ADGRV1: variants seen among roughly 807,000 people sequenced by gnomAD.
The protein encoded by ADGRV1 is G-protein coupled receptor 98.
Under a neutral mutation model 596.2 loss-of-function variants are expected in ADGRV1, and 359 were observed. The ratio of observed to expected loss-of-function variants is 0.60; its 90% CI spans 0.55 to 0.66. The LOEUF is 0.66. Among genes scored for constraint, ADGRV1 ranks in the 30% least tolerant of loss-of-function variants. ADGRV1 has a pLI of 0.00. For missense variants in ADGRV1, 7,274 were observed against 7,575.6 expected (o/e 0.96, Z 1.48); for synonymous variants, 2,681 against 2,679.2 (o/e 1.00, Z -0.02).
intron 23 of ADGRV1, 28 bp downstream of exon 23, chr5:90,674,262 CCT>C (rs1772916717): frequency 6.6e-7 from 1 of 1,523,052 alleles, no homozygotes; most frequent in South Asian, 1.4e-5. Context: ...CAAGAAAAAT[CCT>C]CTCTTCTCTG....
intron 1 of ADGRV1, among the ~76,000 whole-genome samples, chr5:90,562,302 C>T (rs934313692): frequency 2.0e-5 from 3 of 152,156 alleles, no homozygotes; most frequent in African/African-American, 7.2e-5. Flanking sequence ...CATCGTATGC[C>T]TAATTTTTTC....
chr5:90,897,010 C>T (rs534141334), intron 83 of ADGRV1, among the ~76,000 whole-genome samples: 1 of 152,308 alleles, frequency 6.6e-6, no homozygotes, highest in Non-Finnish European at 1.5e-5. Context: ...AAATTTGAAT[C>T]CTTGCTTTAG....
At position 90,829,063 on chromosome 5, in the gene ADGRV1, C is replaced by G. The variant is rs768064454; in HGVS notation, c.16488C>G (p.Ser5496Arg). The change falls in exon 77 of 90, where the codon AGC (serine) becomes AGG (arginine). Residue 5496 changes from serine to arginine, a missense_variant. This residue lies in a region of ADGRV1 where 1,874 missense variants were observed against 1,970.2 expected (regional missense o/e 0.95). Coordinates refer to ENST00000405460, the MANE Select transcript of ADGRV1 (RefSeq NM_032119.4). ...IKILESDESQ[S>R]LVYFSVGSRL... The stretch of plus-strand genomic sequence containing the variant: ...TCTTAGAAAGTGATGAATCTCAAAG[C>G]CTTGTGTATTTTTCTGTGGGTTCTC... 5.6e-6 allele frequency: 9 copies of G among 1,612,038 alleles called. No individual in the cohort carries two copies. The East Asian group carries it at 1.1e-4, about 20-fold the overall frequency.
At chr5:90,927,648 G>A (rs1774651474) in intron 83 of ADGRV1, among the ~76,000 whole-genome samples, 1 of 151,918 alleles carries the variant, frequency 6.6e-6, no homozygotes, top group South Asian at 2.1e-4. Context: ...AGTTAATGTT[G>A]TTATGTGTGA....
intron 83 of ADGRV1, among the ~76,000 whole-genome samples, chr5:90,953,466 T>TTA (rs1230256736): frequency 6.6e-6 from 1 of 152,154 alleles, no homozygotes; most frequent in Non-Finnish European, 1.5e-5. Flanking sequence ...GTTCTGGAAT[T>TTA]TATATGCTTC....
At chr5:91,070,959 A>G (rs1259051137) in intron 85 of ADGRV1, among the ~76,000 whole-genome samples, 1 of 152,176 alleles carries the variant, frequency 6.6e-6, no homozygotes, top group Non-Finnish European at 1.5e-5. Context: ...CCTTTAAACA[A>G]TACCATCTCT....
chr5:90,771,688 C>T (rs546713848), intron 59 of ADGRV1, among the ~76,000 whole-genome samples: 1 of 151,980 alleles, frequency 6.6e-6, no homozygotes, highest in East Asian at 1.9e-4. Context: ...TTTCTATTTT[C>T]CTGAGATAGC....
At chr5:90,583,627 C>G (rs141075704) in intron 1 of ADGRV1, among the ~76,000 whole-genome samples, 3 of 152,166 alleles carry the variant, frequency 2.0e-5, no homozygotes, top group African/African-American at 4.8e-5. Context: ...TACTTTTGTT[C>G]TGTTGAGGTA....
chr5:90,955,933 C>G (rs1177405019), intron 83 of ADGRV1, among the ~76,000 whole-genome samples: 2 of 152,062 alleles, frequency 1.3e-5, no homozygotes, highest in Non-Finnish European at 2.9e-5. Flanking sequence ...ACATTAATTT[C>G]TTTTATGTTG....
At chr5:90,743,752 T>C (rs1471740484) in intron 50 of ADGRV1, among the ~76,000 whole-genome samples, 1 of 152,112 alleles carries the variant, frequency 6.6e-6, no homozygotes, top group African/African-American at 2.4e-5. Flanking sequence ...ATTACAGGCA[T>C]GAGCCACCGT....
chr5:90,857,673 C>T lies in ADGRV1; in HGVS notation c.17755+1772C>T, dbSNP rs139675802. 2.8e-4 allele frequency among the ~76,000 whole-genome samples: 43 copies of T among 152,178 alleles called. No homozygotes were observed. In the East Asian group the frequency reaches 7.7e-3, roughly 27 times the overall value. ...ATTGTTATGTAATTGCATGTTCTGT[C>T]GATAAGGAGACACAAAGTCTTGTCT... On this transcript the variant is annotated intron_variant, in intron 82 of 89. Transcript: ENST00000405460.
chr5:90,897,672 T>C (rs1433690384), intron 83 of ADGRV1, among the ~76,000 whole-genome samples: 1 of 152,206 alleles, frequency 6.6e-6, no homozygotes, highest in Non-Finnish European at 1.5e-5. Flanking sequence ...TAAAATAAGT[T>C]TTTACATCTA....
rs917714932 is a variant in ADGRV1 at position 91,144,435 on chromosome 5, G to C, written c.18433-5595G>C. On this transcript the variant is annotated intron_variant, in intron 87 of 89. Coordinates refer to ENST00000405460, the MANE Select transcript of ADGRV1 (RefSeq NM_032119.4). Reference sequence around the variant, plus strand: ...ATCCTCCTGCTTAGCATCCTGAGTAGCTGGGATGGCAGGTGTGTGCTACCA... The same window carrying C: ...ATCCTCCTGCTTAGCATCCTGAGTACCTGGGATGGCAGGTGTGTGCTACCA... Among the ~76,000 whole-genome samples the C allele has an allele frequency of 6.8e-4, 104 of 152,108 alleles. 1 individual carries two copies. The highest frequency in any genetic ancestry group is 6.7e-3 in the Admixed American group (103 of 15,278).
In ADGRV1 at chr5:90,621,951, C is replaced by G. The variant is rs142890191; in HGVS notation, c.454-646C>G. On this transcript the variant is annotated intron_variant, in intron 4 of 89. Coordinates refer to ENST00000405460, the MANE Select transcript of ADGRV1 (RefSeq NM_032119.4). ...TCACAACCCTTCAAGACGGACATTG[C>G]TAACCCCAGTTATGTATGGGGCTAC... 2.8e-3 allele frequency among the ~76,000 whole-genome samples: 429 copies of G among 152,310 alleles called. 1 individual carries two copies. The highest frequency in any genetic ancestry group is 9.3e-3 in the African/African-American group (386 of 41,570).
At chr5:91,133,253 T>C (rs73189094) in intron 87 of ADGRV1, among the ~76,000 whole-genome samples, 1,736 of 152,374 alleles carry the variant, frequency 0.011, 32 homozygotes, top group African/African-American at 0.04. Flanking sequence ...GAGATAATTC[T>C]GAGGTGATAT....
At chr5:91,135,055 C>T (rs1247592782) in intron 87 of ADGRV1, among the ~76,000 whole-genome samples, 1 of 151,928 alleles carries the variant, frequency 6.6e-6, no homozygotes, top group Non-Finnish European at 1.5e-5. Context: ...TTGGCACACA[C>T]CTGTAATTCC....
chr5:90,649,111 C>G (rs556404731), intron 17 of ADGRV1, among the ~76,000 whole-genome samples: 1 of 152,090 alleles, frequency 6.6e-6, no homozygotes, highest in South Asian at 2.1e-4. Context: ...TCAAGTGATT[C>G]TCCTGCCTCA....
chr5:90,602,528 T>C (rs944047243), intron 1 of ADGRV1, among the ~76,000 whole-genome samples: 7 of 152,174 alleles, frequency 4.6e-5, no homozygotes, highest in Non-Finnish European at 8.8e-5. Context: ...CCCAGTCTAA[T>C]CATGAGAAAG....
At chr5:90,839,047 A>G (rs74700822) in intron 77 of ADGRV1, among the ~76,000 whole-genome samples, 5,617 of 152,192 alleles carry the variant, frequency 0.037, 149 homozygotes, top group Middle Eastern at 0.099. Flanking sequence ...ATTCCCTACT[A>G]TATCCTAATA....
Sources: gnomAD v4.1 joint callset for allele counts (sites outside exome capture counted in the v4.1 genomes callset) on GRCh38, gnomAD v4.1.1 for gene constraint, gnomAD v4.1.1 regional missense constraint, MANE v1.5 for transcripts, NCBI Gene and HGNC (gene_info 2026-07-23, HGNC 2026-07-21) for gene names.